Variants in DCC observed in about 807,000 individuals in gnomAD.
DCC encodes DCC netrin 1 receptor, also known as netrin receptor DCC.
In DCC, 58 loss-of-function variants were observed where a neutral mutation model predicts 172.5. The ratio of observed to expected loss-of-function variants is 0.34; its 90% CI spans 0.27 to 0.42. The LOEUF (loss-of-function observed/expected upper bound fraction) is 0.42, where lower values mean the gene tolerates loss of function less well. Ranked by LOEUF, DCC falls within the 10% of genes least tolerant of loss-of-function variation. DCC has a pLI of 1.00. For missense variants in DCC, 1,740 were observed against 1,791.0 expected (o/e 0.97, Z 0.51); for synonymous variants, 709 against 644.5 (o/e 1.10, Z -1.52).
chr18:53,435,086 T>C lies in DCC; in HGVS notation c.3164-58T>C, dbSNP rs1340910939. On this transcript the variant is annotated intron_variant, in intron 21 of 28. Coordinates refer to ENST00000442544, the MANE Select transcript of DCC (RefSeq NM_005215.4). The stretch of plus-strand genomic sequence containing the variant: ...TGTGTGTGTTAAAATATTTATTCTT[T>C]TTGTCTTCATTTTGTTTCATTTGTA... 3.2e-6 allele frequency: 4 copies of C among 1,261,558 alleles called. No individual in the cohort carries two copies. The East Asian group carries it at 9.3e-5, about 29-fold the overall frequency. 78.1% of individuals were successfully genotyped at this position (1,261,558 alleles called of 1,614,324 possible). A position where few individuals can be genotyped will look rare whatever the true frequency, so the allele number is the denominator to read the frequency against.
intron 9 of DCC, among the ~76,000 whole-genome samples, chr18:53,198,220 A>G (rs2055478197): frequency 6.6e-6 from 1 of 152,160 alleles, no homozygotes; most frequent in South Asian, 2.1e-4. Flanking sequence ...GGGGGATAGA[A>G]ATGGTAGAAG....
intron 1 of DCC, among the ~76,000 whole-genome samples, chr18:52,486,322 C>A (rs1338459281): frequency 6.6e-6 from 1 of 152,014 alleles, no homozygotes; most frequent in Non-Finnish European, 1.5e-5. Context: ...TAACATGATC[C>A]AACTAATGCC....
chr18:53,040,492 G>A (rs2042154967), intron 5 of DCC, among the ~76,000 whole-genome samples: 1 of 151,962 alleles, frequency 6.6e-6, no homozygotes, highest in Admixed American at 6.6e-5. Flanking sequence ...AGCTCTGGGT[G>A]TGAATCCAAG....
chr18:52,824,517 T>C (rs2038470420), intron 2 of DCC, among the ~76,000 whole-genome samples: 1 of 152,134 alleles, frequency 6.6e-6, no homozygotes, highest in Admixed American at 6.5e-5. Flanking sequence ...TGTGTAATTA[T>C]ACTTAAAAAT....
At chr18:53,003,131 G>A (rs1157986777) in intron 5 of DCC, among the ~76,000 whole-genome samples, 1 of 152,158 alleles carries the variant, frequency 6.6e-6, no homozygotes, top group Admixed American at 6.6e-5. Context: ...TGTCAGGGGT[G>A]CAGAGGTGGA....
At chr18:52,353,473 C>T (rs895304908) in intron 1 of DCC, among the ~76,000 whole-genome samples, 1 of 152,194 alleles carries the variant, frequency 6.6e-6, no homozygotes, top group African/African-American at 2.4e-5. Flanking sequence ...AGAGCACACA[C>T]ATGCTCAAAG....
In DCC at chr18:53,490,757, TGA is replaced by T. The variant is rs2045951581; in HGVS notation, c.3898+3803_3898+3804del. Among the ~76,000 whole-genome samples, 4 of 152,204 alleles carry T rather than the reference TGA, an allele frequency of 2.6e-5. No individual in the cohort carries two copies. In the South Asian group the frequency reaches 6.2e-4, roughly 24 times the overall value. On this transcript the variant is annotated intron_variant, in intron 26 of 28. Transcript: ENST00000442544. ...ACTGGACAAAAGTGCTCATCTGAAA[TGA>T]GAGTATTTCACTGGCGGACCAGTTG...
At chr18:53,386,718 C>T (rs1279594724) in intron 16 of DCC, among the ~76,000 whole-genome samples, 1 of 152,126 alleles carries the variant, frequency 6.6e-6, no homozygotes, top group Admixed American at 6.6e-5. Context: ...AAGGCCTTGT[C>T]ACCCTTAGGA....
At chr18:52,914,458 G>T (rs1419876790) in intron 3 of DCC, among the ~76,000 whole-genome samples, 1 of 152,110 alleles carries the variant, frequency 6.6e-6, no homozygotes, top group African/African-American at 2.4e-5. Context: ...GTACTGAATT[G>T]GTGTAAATGA....
chr18:52,440,141 A>G (rs1249001099), intron 1 of DCC, among the ~76,000 whole-genome samples: 1 of 152,192 alleles, frequency 6.6e-6, no homozygotes, highest in East Asian at 1.9e-4. Flanking sequence ...TAAGAGCAGA[A>G]TTCTCAGTAG....
chr18:52,904,308 T>G (rs972614336), intron 2 of DCC, among the ~76,000 whole-genome samples: 1 of 152,216 alleles, frequency 6.6e-6, no homozygotes, highest in Non-Finnish European at 1.5e-5. Context: ...CTTCAGCAGC[T>G]TGTACCTAAC....
chr18:52,992,589 G>A (rs1402754725), intron 5 of DCC, among the ~76,000 whole-genome samples: 1 of 152,138 alleles, frequency 6.6e-6, no homozygotes, highest in Non-Finnish European at 1.5e-5. Context: ...TTAAGCCACT[G>A]ATTCTTAATA....
chr18:52,581,950 A>G (rs1334204028), intron 1 of DCC, among the ~76,000 whole-genome samples: 1 of 152,200 alleles, frequency 6.6e-6, no homozygotes, highest in Non-Finnish European at 1.5e-5. Context: ...CATACGCTAG[A>G]AAACAATAAC....
intron 5 of DCC, among the ~76,000 whole-genome samples, chr18:53,043,015 C>T (rs1238670354): frequency 6.6e-6 from 1 of 151,824 alleles, no homozygotes; most frequent in Non-Finnish European, 1.5e-5. Flanking sequence ...GACATATGCA[C>T]ACGTATGTTT....
chr18:53,055,435 A>C (rs1350511341), intron 5 of DCC, among the ~76,000 whole-genome samples: 2 of 152,202 alleles, frequency 1.3e-5, no homozygotes, highest in Non-Finnish European at 2.9e-5. Context: ...AATCACTGCC[A>C]GATGAGATTG....
intron 27 of DCC, among the ~76,000 whole-genome samples, chr18:53,512,561 G>C (rs2046270805): frequency 6.8e-6 from 1 of 147,366 alleles, no homozygotes; most frequent in Non-Finnish European, 1.5e-5. Flanking sequence ...TGAAAACTTT[G>C]AAAAAAATTT....
chr18:53,091,702 C>T (rs1176187336), intron 7 of DCC, among the ~76,000 whole-genome samples: 1 of 151,922 alleles, frequency 6.6e-6, no homozygotes, highest in Non-Finnish European at 1.5e-5. Context: ...ATCTAATAAC[C>T]TCCCAAAAGC....
intron 1 of DCC, among the ~76,000 whole-genome samples, chr18:52,667,955 T>C (rs530196798): frequency 3.3e-5 from 5 of 151,950 alleles, no homozygotes; most frequent in Non-Finnish European, 7.4e-5. Context: ...AAAGAAGACA[T>C]GTCAGCTATT....
intron 22 of DCC, among the ~76,000 whole-genome samples, chr18:53,447,229 G>T (rs980133597): frequency 5.3e-5 from 8 of 152,168 alleles, no homozygotes; most frequent in Admixed American, 1.3e-4. Context: ...CAAATAACAA[G>T]AATTGACTGC....
Sources: gnomAD v4.1 joint callset for allele counts (sites outside exome capture counted in the v4.1 genomes callset) on GRCh38, gnomAD v4.1.1 for gene constraint, MANE v1.5 for transcripts, NCBI Gene and HGNC (gene_info 2026-07-23, HGNC 2026-07-21) for gene names.